Variants in SLC9A9 observed in about 807,000 individuals in gnomAD.
The protein encoded by SLC9A9 is sodium/hydrogen exchanger 9.
Under a neutral mutation model 77.8 loss-of-function variants are expected in SLC9A9, and 62 were observed. That is an observed-to-expected ratio of 0.80 (90% CI 0.65 to 0.98). The LOEUF is 0.98. Ranked by LOEUF, SLC9A9 falls within the 50% of genes least tolerant of loss-of-function variation. SLC9A9 has a pLI of 0.00. For synonymous variants in SLC9A9, 320 were observed against 283.5 expected (o/e 1.13, Z -1.29); for missense variants, 775 against 774.9 (o/e 1.00, Z 0.00).
intron 14 of SLC9A9, among the ~76,000 whole-genome samples, chr3:143,302,225 C>T (rs1178350296): frequency 6.6e-6 from 1 of 152,210 alleles, no homozygotes; most frequent in Non-Finnish European, 1.5e-5. Flanking sequence ...CTGGAGGCAT[C>T]AGCCCCCATT....
intron 9 of SLC9A9, among the ~76,000 whole-genome samples, chr3:143,502,102 C>A (rs1445637458): frequency 6.6e-6 from 1 of 151,162 alleles, no homozygotes; most frequent in East Asian, 1.9e-4. Context: ...AACTTCAAAT[C>A]TACTTCCTCC....
chr3:143,660,411 C>A (rs1043408411), intron 5 of SLC9A9, among the ~76,000 whole-genome samples: 1 of 152,114 alleles, frequency 6.6e-6, no homozygotes, highest in Non-Finnish European at 1.5e-5. Context: ...ACTTTCAGCC[C>A]CAAGGAAACA....
At chr3:143,826,105 G>A (rs761607813) in intron 2 of SLC9A9, among the ~76,000 whole-genome samples, 1 of 151,886 alleles carries the variant, frequency 6.6e-6, no homozygotes, top group Non-Finnish European at 1.5e-5. Flanking sequence ...CTAAGAATAC[G>A]AAAAGTAGCT....
intron 14 of SLC9A9, among the ~76,000 whole-genome samples, chr3:143,357,128 T>A (rs1403114815): frequency 6.6e-6 from 1 of 152,214 alleles, no homozygotes; most frequent in Non-Finnish European, 1.5e-5. Context: ...ATTGCTTATG[T>A]TTACTTCAAA....
chr3:143,610,630 G>A (rs1213475727), intron 6 of SLC9A9, among the ~76,000 whole-genome samples: 1 of 152,188 alleles, frequency 6.6e-6, no homozygotes, highest in African/African-American at 2.4e-5. Flanking sequence ...CATGGAGGGA[G>A]CAGGAGTGGG....
At chr3:143,707,920 G>A (rs1560042109) in intron 4 of SLC9A9, among the ~76,000 whole-genome samples, 1 of 152,126 alleles carries the variant, frequency 6.6e-6, no homozygotes, top group East Asian at 1.9e-4. Flanking sequence ...CTGCCCATCT[G>A]CCTCAAACTT....
At chr3:143,379,099 C>G (rs1215341504) in intron 13 of SLC9A9, among the ~76,000 whole-genome samples, 1 of 151,782 alleles carries the variant, frequency 6.6e-6, no homozygotes, top group Non-Finnish European at 1.5e-5. Context: ...CTATAACTAC[C>G]TGCAAAATTT....
rs570987465 is a variant in SLC9A9 at position 143,285,900 on chromosome 3, C to T, written c.1605-16920G>A. ...AACAGGAGCTGAGAACTCTTTCTCC[C>T]TGCTTTCTATTAAAGTTTTGAGGAG... On this transcript the variant is annotated intron_variant, in intron 14 of 15. Transcript: ENST00000316549. Among the ~76,000 whole-genome samples the T allele has an allele frequency of 1.6e-3, 250 of 152,258 alleles. 1 individual carries two copies. Among genetic ancestry groups the T allele is most frequent in the Non-Finnish European group, 3.2e-3 (215 of 68,028 alleles).
chr3:143,475,339 C>T (rs1204512733), intron 11 of SLC9A9, among the ~76,000 whole-genome samples: 1 of 152,082 alleles, frequency 6.6e-6, no homozygotes, highest in African/African-American at 2.4e-5. Context: ...ATCTGTCTTT[C>T]TGTGCTGGAA....
chr3:143,749,028 A>C (rs572012666), intron 4 of SLC9A9, among the ~76,000 whole-genome samples: 1 of 152,150 alleles, frequency 6.6e-6, no homozygotes, highest in East Asian at 1.9e-4. Context: ...ACTGAACTTC[A>C]AGTCTTTTTT....
At chr3:143,353,103 C>T (rs1013522411) in intron 14 of SLC9A9, among the ~76,000 whole-genome samples, 2 of 152,222 alleles carry the variant, frequency 1.3e-5, no homozygotes, top group Non-Finnish European at 2.9e-5. Context: ...CAGGCCTGAG[C>T]TGTTTCCTTG....
chr3:143,691,135 C>G (rs1181671250), intron 5 of SLC9A9, among the ~76,000 whole-genome samples: 3 of 152,124 alleles, frequency 2.0e-5, no homozygotes, highest in Non-Finnish European at 4.4e-5. Context: ...TATGTGGTGC[C>G]AATCCTGCTG....
intron 6 of SLC9A9, among the ~76,000 whole-genome samples, chr3:143,595,829 T>G (rs1188349489): frequency 2.0e-5 from 3 of 152,184 alleles, no homozygotes; most frequent in Non-Finnish European, 4.4e-5. Flanking sequence ...GGTGTACAGT[T>G]GCTTGGTTAG....
intron 5 of SLC9A9, among the ~76,000 whole-genome samples, chr3:143,660,071 T>C (rs564934261): frequency 6.6e-6 from 1 of 152,358 alleles, no homozygotes; most frequent in African/African-American, 2.4e-5. Flanking sequence ...TGTGAGTCAA[T>C]TAAACCTCTT....
chr3:143,358,499 A>C (rs938812192), intron 14 of SLC9A9, among the ~76,000 whole-genome samples: 2 of 152,186 alleles, frequency 1.3e-5, no homozygotes, highest in Non-Finnish European at 2.9e-5. Context: ...TTATTTTGGA[A>C]AGGTCATTCT....
chr3:143,522,044 C>T (rs1215015478), intron 9 of SLC9A9, among the ~76,000 whole-genome samples: 1 of 152,004 alleles, frequency 6.6e-6, no homozygotes, highest in Non-Finnish European at 1.5e-5. Flanking sequence ...CTGTTTTAGC[C>T]AGTTGTTCCA....
chr3:143,408,036 G>T (rs910748928), intron 12 of SLC9A9, among the ~76,000 whole-genome samples: 2 of 152,192 alleles, frequency 1.3e-5, no homozygotes, highest in East Asian at 1.9e-4. Context: ...CCTTCTCATT[G>T]TGTGCTCACC....
At chr3:143,521,000 T>C (rs201854373) in intron 9 of SLC9A9, among the ~76,000 whole-genome samples, 3 of 152,198 alleles carry the variant, frequency 2.0e-5, no homozygotes, top group Non-Finnish European at 2.9e-5. Context: ...ATATGTCAAA[T>C]GGCAAATTTT....
At chr3:143,424,897 T>C (rs1376871369) in intron 12 of SLC9A9, among the ~76,000 whole-genome samples, 2 of 152,204 alleles carry the variant, frequency 1.3e-5, no homozygotes, top group Admixed American at 6.5e-5. Context: ...GGGATGATAA[T>C]AATAGCACCA....
Sources: allele counts gnomAD v4.1 joint callset (sites outside exome capture counted in the v4.1 genomes callset), GRCh38; gene constraint gnomAD v4.1.1; transcripts MANE v1.5; gene names NCBI Gene and HGNC (gene_info 2026-07-23, HGNC 2026-07-21).